EXOC4: variants seen among roughly 807,000 people sequenced by gnomAD.
The protein encoded by EXOC4 is exocyst complex component 4.
EXOC4 carries 71 observed loss-of-function variants against 107.2 expected under a neutral mutation model. The ratio of observed to expected loss-of-function variants is 0.66; its 90% CI spans 0.55 to 0.81. EXOC4 has a LOEUF of 0.81. EXOC4 is among the 30% of genes least tolerant of loss of function. The pLI is 0.00. For synonymous variants in EXOC4, 456 were observed against 441.2 expected, an observed-to-expected ratio of 1.03 and a Z score of -0.42; for missense variants, 1,108 against 1,189.6, an observed-to-expected ratio of 0.93 and a Z score of 1.01.
At chr7:133,810,854 C>T (rs955703321) in intron 10 of EXOC4, among the ~76,000 whole-genome samples, 23 of 151,924 alleles carry the variant, frequency 1.5e-4, no homozygotes, top group African/African-American at 5.3e-4. Flanking sequence ...AGGATGGTCT[C>T]GATCTCCTGA....
intron 10 of EXOC4, among the ~76,000 whole-genome samples, chr7:133,776,242 TACA>T (rs1448154773): frequency 2.0e-5 from 3 of 152,204 alleles, no homozygotes; most frequent in African/African-American, 7.2e-5. Context: ...GTTCTATGAA[TACA>T]AATGGTGTTG....
chr7:133,561,269 A>G (rs1053168742), intron 9 of EXOC4, among the ~76,000 whole-genome samples: 1 of 152,216 alleles, frequency 6.6e-6, no homozygotes, highest in Admixed American at 6.5e-5. Context: ...TAGCCAGTCA[A>G]CACCATCTGC....
intron 14 of EXOC4, among the ~76,000 whole-genome samples, chr7:133,995,536 G>A (rs1365253701): frequency 1.3e-5 from 2 of 152,110 alleles, no homozygotes; most frequent in Non-Finnish European, 2.9e-5. Context: ...TTGTCTTGGC[G>A]ATCAAACAAC....
chr7:133,937,791 C>G, intron 13 of EXOC4, 100 bp from the exon 14 acceptor site: 1 of 1,105,642 alleles, frequency 9.0e-7, no homozygotes, highest in Non-Finnish European at 1.3e-6. Flanking sequence ...TAAAATAGTG[C>G]TCATGTCAGT....
At chr7:133,481,057 G>GAAAAAAAAAAA (rs10686907) in intron 9 of EXOC4, 8 of 142,208 alleles carry the variant, frequency 5.6e-5, no homozygotes, top group African/African-American at 5.2e-5. Context: ...CTCAAAAAAA[G>GAAAAAAAAAAA]AAAAAAAAAA....
intron 11 of EXOC4, among the ~76,000 whole-genome samples, chr7:133,857,975 C>T (rs146265674): frequency 0.011 from 1,629 of 152,252 alleles, 15 homozygotes; most frequent in Middle Eastern, 0.017. Context: ...ATGGGGTAGC[C>T]GCCCAACACC....
At chr7:133,912,281 G>C (rs143833140) in intron 12 of EXOC4, among the ~76,000 whole-genome samples, 1 of 152,298 alleles carries the variant, frequency 6.6e-6, no homozygotes, top group African/African-American at 2.4e-5. Flanking sequence ...CAGAGAAAGT[G>C]AGTTTTTGAG....
intron 17 of EXOC4, among the ~76,000 whole-genome samples, chr7:134,061,637 G>A (rs41457245): frequency 0.02 from 3,052 of 152,176 alleles, 83 homozygotes; most frequent in African/African-American, 0.063. Flanking sequence ...GGTAAATCTC[G>A]ATGCACGCAT....
At chr7:133,932,504 C>T (rs960917930) in intron 13 of EXOC4, among the ~76,000 whole-genome samples, 19 of 152,106 alleles carry the variant, frequency 1.2e-4, no homozygotes, top group Non-Finnish European at 7.4e-5. Context: ...GCATATGTAC[C>T]ATATACTGAC....
At chr7:133,417,753 G>GT (rs570022748) in intron 7 of EXOC4, among the ~76,000 whole-genome samples, 59 of 152,056 alleles carry the variant, frequency 3.9e-4, no homozygotes, top group East Asian at 1.5e-3. Flanking sequence ...AGTCACCATG[G>GT]TTTTTTTACC....
At chr7:133,469,064 T>C (rs1460203226) in intron 7 of EXOC4, among the ~76,000 whole-genome samples, 1 of 152,184 alleles carries the variant, frequency 6.6e-6, no homozygotes, top group Non-Finnish European at 1.5e-5. Flanking sequence ...ATCAGACTCA[T>C]CAAAGAGGAC....
At chr7:134,042,987 GC>G (rs1795555983) in intron 17 of EXOC4, among the ~76,000 whole-genome samples, 1 of 152,218 alleles carries the variant, frequency 6.6e-6, no homozygotes. Flanking sequence ...GTTGCAGTTA[GC>G]CGAGATTGTG....
chr7:133,649,461 C>CT (rs34123621), intron 10 of EXOC4, among the ~76,000 whole-genome samples: 1 of 141,848 alleles, frequency 7.0e-6, no homozygotes, highest in Non-Finnish European at 1.5e-5. Context: ...AGCATTACTA[C>CT]TTTTTCTTTT....
chr7:133,845,993 A>G (rs1798118929), intron 11 of EXOC4, among the ~76,000 whole-genome samples: 1 of 152,154 alleles, frequency 6.6e-6, no homozygotes, highest in Non-Finnish European at 1.5e-5. Flanking sequence ...TGAATTCTGT[A>G]ATAACTGCCT....
chr7:133,481,923 T>G (rs1030080094), intron 9 of EXOC4, among the ~76,000 whole-genome samples: 5 of 152,074 alleles, frequency 3.3e-5, no homozygotes, highest in African/African-American at 1.2e-4. Flanking sequence ...TGAAAGGAAA[T>G]GATGATAACA....
At chr7:133,941,362 T>C (rs912309127) in intron 14 of EXOC4, among the ~76,000 whole-genome samples, 1 of 152,138 alleles carries the variant, frequency 6.6e-6, no homozygotes, top group Non-Finnish European at 1.5e-5. Context: ...CACCTGAACA[T>C]TTCATGTCAG....
intron 10 of EXOC4, among the ~76,000 whole-genome samples, chr7:133,812,566 AG>A (rs1585166054): frequency 1.3e-5 from 2 of 152,158 alleles, no homozygotes; most frequent in East Asian, 3.9e-4. Flanking sequence ...CTGCCCATGA[AG>A]GGTAGGTTGC....
intron 9 of EXOC4, among the ~76,000 whole-genome samples, chr7:133,560,873 C>T (rs183734841): frequency 6.6e-6 from 1 of 152,128 alleles, no homozygotes; most frequent in African/African-American, 2.4e-5. Flanking sequence ...AATGAATTGG[C>T]ATTTGTATCA....
chr7:133,477,424 A>G (rs927883187), intron 8 of EXOC4, among the ~76,000 whole-genome samples: 6 of 152,104 alleles, frequency 3.9e-5, no homozygotes, highest in African/African-American at 7.2e-5. Context: ...CCTTTTCAGA[A>G]TGGCTTCTTT....
Sources: gnomAD v4.1 joint callset for allele counts (sites outside exome capture counted in the v4.1 genomes callset) on GRCh38, gnomAD v4.1.1 for gene constraint, MANE v1.5 for transcripts, NCBI Gene and HGNC (gene_info 2026-07-23, HGNC 2026-07-21) for gene names.